TUB: variants seen among roughly 807,000 people sequenced by gnomAD.
The protein encoded by TUB is TUB bipartite transcription factor.
In TUB, 33 loss-of-function variants were observed where a neutral mutation model predicts 59.7. That is an observed-to-expected ratio of 0.55 (90% CI 0.42 to 0.74). The LOEUF is 0.74. Ranked by LOEUF, TUB falls within the 30% of genes least tolerant of loss-of-function variation. The probability of loss-of-function intolerance (pLI) is 0.00; values close to 1 mark genes in which losing one functional copy is unlikely to be tolerated. For synonymous variants in TUB, 293 were observed against 256.4 expected (o/e 1.14, Z -1.36); for missense variants, 659 against 672.0 (o/e 0.98, Z 0.21).
chr11:8,101,889 G>A lies in TUB; in HGVS notation c.*270G>A, dbSNP rs1049445512. ...ATCAACACACACTCCCACCCTTGGGGTAGTAGTGTGTTGTAGTCGTACTTA... is the reference window on the plus strand; with the variant it reads ...ATCAACACACACTCCCACCCTTGGGATAGTAGTGTGTTGTAGTCGTACTTA... On this transcript the variant is annotated 3_prime_UTR_variant, in exon 12 of 12. Transcript: ENST00000299506. 4 of 480,776 alleles carry A rather than the reference G, an allele frequency of 8.3e-6. No homozygotes were observed. The highest frequency in any genetic ancestry group is 3.5e-5 in the Admixed American group (1 of 28,272). The allele number at this position is 480,776 out of a possible 1,614,324, so 29.8% of individuals were successfully genotyped here. A position where few individuals can be genotyped will look rare whatever the true frequency, so the allele number is the denominator to read the frequency against.
At chr11:8,071,249 G>A (rs1943355058) in intron 2 of TUB, among the ~76,000 whole-genome samples, 1 of 152,138 alleles carries the variant, frequency 6.6e-6, no homozygotes, top group South Asian at 2.1e-4. Context: ...CTTTTTCATA[G>A]GGGTAGGTCT....
chr11:8,095,179 C>T (rs1466764321), intron 4 of TUB, among the ~76,000 whole-genome samples: 1 of 152,186 alleles, frequency 6.6e-6, no homozygotes, highest in African/African-American at 2.4e-5. Context: ...TGGATCAGTC[C>T]TTGTTCTCCA....
chr11:8,049,127 G>C (rs1942886488), intron 2 of TUB, among the ~76,000 whole-genome samples: 1 of 152,146 alleles, frequency 6.6e-6, no homozygotes, highest in African/African-American at 2.4e-5. Context: ...TCGGCCCAAA[G>C]CATGGGCTAC....
chr11:8,100,687 G>A (rs7394561), intron 10 of TUB, 86 bp downstream of exon 10: 1,483,710 of 1,523,364 alleles, frequency 0.97, 730,369 homozygotes, highest in East Asian at 1. Context: ...GCTGATGTGT[G>A]TATGTGGAGG....
At chr11:8,021,512 C>G (rs1016533417) in intron 1 of TUB, among the ~76,000 whole-genome samples, 1 of 151,998 alleles carries the variant, frequency 6.6e-6, no homozygotes, top group Non-Finnish European at 1.5e-5. Flanking sequence ...TATAAAGGGC[C>G]TATCATATTG....
At chr11:8,089,723 G>A (rs1943735249) in intron 2 of TUB, 62 bp downstream of exon 2, 8 of 1,596,444 alleles carry the variant, frequency 5.0e-6, no homozygotes, top group Non-Finnish European at 6.9e-6. Context: ...GAGGGCAGAG[G>A]GGCAGGGCTG....
intron 1 of TUB, among the ~76,000 whole-genome samples, chr11:8,029,910 A>C (rs1044028004): frequency 5.9e-5 from 9 of 152,056 alleles, no homozygotes; most frequent in African/African-American, 1.2e-4. Context: ...GAACTTTTTG[A>C]GTGCAGCTAC....
intron 6 of TUB, 60 bp from the exon 7 acceptor site, chr11:8,097,167 AC>A: frequency 6.3e-7 from 1 of 1,582,580 alleles, no homozygotes; most frequent in African/African-American, 1.3e-5. Flanking sequence ...TGGATCCCAG[AC>A]CACCAATTTG....
upstream of TUB, among the ~76,000 whole-genome samples, chr11:8,037,604 G>A (rs1942666147): frequency 6.6e-6 from 1 of 152,114 alleles, no homozygotes; most frequent in Non-Finnish European, 1.5e-5. Flanking sequence ...TGAAAATCTG[G>A]GTGTAATTTT....
At chr11:8,026,871 G>C (rs1006776238) in intron 1 of TUB, among the ~76,000 whole-genome samples, 2 of 152,068 alleles carry the variant, frequency 1.3e-5, no homozygotes, top group East Asian at 3.9e-4. Flanking sequence ...TAGTAACATC[G>C]GGCCTTCCAA....
intron 11 of TUB, among the ~76,000 whole-genome samples, chr11:8,101,265 C>A (rs1256960093): frequency 6.6e-6 from 1 of 152,186 alleles, no homozygotes; most frequent in Non-Finnish European, 1.5e-5. Context: ...TTTTCTGTCC[C>A]CTGGTGTTCA....
upstream of TUB, among the ~76,000 whole-genome samples, chr11:8,078,781 C>T (rs562372956): frequency 7.2e-5 from 11 of 152,222 alleles, no homozygotes; most frequent in East Asian, 1.9e-4. Context: ...CACACACACA[C>T]TCAAGGCATA....
intron 2 of TUB, chr11:8,039,750 T>A (rs529096652): frequency 2.8e-4 from 391 of 1,411,502 alleles, no homozygotes; most frequent in Non-Finnish European, 3.4e-4. Flanking sequence ...CACAGGAGAC[T>A]GTGAGGGAGG....
chr11:8,026,878 C>A (rs957312794), intron 1 of TUB, among the ~76,000 whole-genome samples: 2 of 152,146 alleles, frequency 1.3e-5, no homozygotes, highest in Non-Finnish European at 2.9e-5. Flanking sequence ...ATCGGGCCTT[C>A]CAATTCATGA....
At chr11:8,077,017 A>G (rs1044532047), upstream of TUB, 3 of 152,210 alleles carry the variant, frequency 2.0e-5, no homozygotes, top group Non-Finnish European at 4.4e-5. Flanking sequence ...CTGGCCACCC[A>G]TAGTTATGCT....
Position 8,042,098 on chromosome 11 carries a change from A to T in TUB, c.203+2406A>T, listed in dbSNP as rs1235565812. Among the ~76,000 whole-genome samples the T allele has an allele frequency of 3.3e-5, 5 of 151,140 alleles. No homozygotes were observed. The East Asian group carries it at 7.8e-4, about 24-fold the overall frequency. ...TTAGAACATTTTCATTACTCCCCCC[A>T]ATGAAAACCCATACCCATTTGCAGT... On this transcript the variant is annotated intron_variant, in intron 2 of 12. Transcript: ENST00000305253.
rs190996618 is a variant in TUB, at chr11:8,098,935, T to A, written c.1116+60T>A. The stretch of plus-strand genomic sequence containing the variant: ...GGTAGATATGAAATCCAGGACTTGA[T>A]GCCTGATCTAGGGGCTATCCCATCC... On this transcript the variant is annotated intron_variant, in intron 9 of 11. Transcript: ENST00000299506. The A allele has an allele frequency of 9.5e-5, 118 of 1,246,210 alleles. No homozygotes were observed. The East Asian group carries it at 2.7e-3, about 29-fold the overall frequency. 77.2% of individuals were successfully genotyped at this position (1,246,210 alleles called of 1,614,324 possible). A position where few individuals can be genotyped will look rare whatever the true frequency, so the allele number is the denominator to read the frequency against.
At chr11:8,057,843 C>T (rs778743672) in intron 2 of TUB, among the ~76,000 whole-genome samples, 1 of 152,112 alleles carries the variant, frequency 6.6e-6, no homozygotes, top group Non-Finnish European at 1.5e-5. Flanking sequence ...TGTTACATCC[C>T]AGCCTTTGTA....
chr11:8,047,907 A>G (rs2133747455), intron 2 of TUB, among the ~76,000 whole-genome samples: 1 of 152,306 alleles, frequency 6.6e-6, no homozygotes, highest in South Asian at 2.1e-4. Flanking sequence ...GTGATGTGCC[A>G]CCATGCAATA....
Sources: allele counts gnomAD v4.1 joint callset (sites outside exome capture counted in the v4.1 genomes callset), GRCh38; gene constraint gnomAD v4.1.1; transcripts MANE v1.5; gene names NCBI Gene and HGNC (gene_info 2026-07-23, HGNC 2026-07-21).